Variants in OR51E2 observed in about 807,000 individuals in gnomAD.
OR51E2 encodes the protein olfactory receptor 51E2.
A neutral mutation model predicts 13.7 loss-of-function variants in OR51E2; 14 were observed. That is an observed-to-expected ratio of 1.02 (90% confidence interval 0.68 to 1.60). OR51E2 has a LOEUF of 1.60. Ranked by LOEUF, OR51E2 falls within the 40% of genes most tolerant of loss-of-function variation. The pLI, the probability that OR51E2 is intolerant of heterozygous loss-of-function variation, is 0.00. For missense variants in OR51E2, 483 were observed against 413.8 expected, an observed-to-expected ratio of 1.17 and a Z score of -1.45; for synonymous variants, 180 against 157.6, an observed-to-expected ratio of 1.14 and a Z score of -1.07.
chr11:4,693,770 A>C (rs531752472), intron 1 of OR51E2, among the ~76,000 whole-genome samples: 1 of 152,292 alleles, frequency 6.6e-6, no homozygotes, highest in South Asian at 2.1e-4. Flanking sequence ...GTGCACTTGT[A>C]ACACTTCTCT....
In OR51E2 at chr11:4,682,048, G is replaced by A. The variant is rs769497679; in HGVS notation, c.664C>T (p.Arg222Ter). ...FISLSYFLII[R>*]TVLQLPSKSE... ...TTGGAAGGCAGTTGCAGAACCGTTC[G>A]TATTATCAGAAAATAGGACAAGGAG... is the stretch of plus-strand genomic sequence containing the variant. Residue 222 changes from arginine to a stop codon, truncating the protein, a stop_gained, in exon 2 of 2, where the codon CGA (arginine) becomes TGA (stop). Transcript: ENST00000396950. LOFTEE classifies it high-confidence loss of function. 45 of 1,614,104 alleles carry A rather than the reference G, an allele frequency of 2.8e-5. No individual in the cohort carries two copies. The Admixed American group carries it at 3.2e-4, about 11-fold the overall frequency.
At chr11:4,696,149 C>T (rs908513221) in intron 1 of OR51E2, among the ~76,000 whole-genome samples, 10 of 152,128 alleles carry the variant, frequency 6.6e-5, no homozygotes, top group African/African-American at 2.4e-4. Context: ...CTCCTTGCTG[C>T]ATGTGGTGAA....
intron 1 of OR51E2, among the ~76,000 whole-genome samples, chr11:4,696,097 T>G (rs866591801): frequency 3.9e-5 from 6 of 152,094 alleles, no homozygotes; most frequent in Non-Finnish European, 5.9e-5. Context: ...CAATCAAACC[T>G]GTAATTTAGA....
At chr11:4,696,181 T>C (rs1040085000) in intron 1 of OR51E2, among the ~76,000 whole-genome samples, 9 of 152,168 alleles carry the variant, frequency 5.9e-5, no homozygotes, top group African/African-American at 2.2e-4. Context: ...TAAAATACTG[T>C]GGCTACCCCT....
chr11:4,692,653 AG>A (rs528646062), intron 1 of OR51E2, among the ~76,000 whole-genome samples: 9 of 152,290 alleles, frequency 5.9e-5, no homozygotes, highest in Admixed American at 4.6e-4. Flanking sequence ...AACAGAGATT[AG>A]GGTTGTGGCT....
rs747163781 is a variant in OR51E2 at position 4,682,099 on chromosome 11, C to A, written c.613G>T (p.Val205Phe). The A allele has an allele frequency of 3.1e-6, 5 of 1,614,070 alleles. No individual in the cohort carries two copies. Among genetic ancestry groups the A allele is most frequent in the Non-Finnish European group, 4.2e-6 (5 of 1,180,052 alleles). Reference sequence around the variant, plus strand: ...ATGAACATTACGTCCACGCCCATGACCAGCAGAATGGCAGTAAGACCATAT... The same window carrying A: ...ATGAACATTACGTCCACGCCCATGAACAGCAGAATGGCAGTAAGACCATAT... ...VVYGLTAILL[V>F]MGVDVMFISL... Residue 205 changes from valine to phenylalanine, a missense_variant, in exon 2 of 2, where the codon GTC (valine) becomes TTC (phenylalanine). Coordinates refer to ENST00000396950, the MANE Select transcript of OR51E2 (RefSeq NM_030774.4).
At chr11:4,691,309 G>T in intron 1 of OR51E2, 2 of 457,462 alleles carry the variant, frequency 4.4e-6, no homozygotes, top group Non-Finnish European at 4.4e-6. Flanking sequence ...GCATACCTAA[G>T]GGGATTAGAG....
chr11:4,682,822 C>CCCA, intron 1 of OR51E2, 61 bp from the exon 2 acceptor site: 1 of 1,225,040 alleles, frequency 8.2e-7, no homozygotes, highest in Non-Finnish European at 1.1e-6. Flanking sequence ...ACATCCCACC[C>CCCA]CTTTTGTCTT....
At chr11:4,691,307 A>G in intron 1 of OR51E2, 1 of 457,454 alleles carries the variant, frequency 2.2e-6, no homozygotes, top group Non-Finnish European at 4.4e-6. Context: ...TGGCATACCT[A>G]AGGGGATTAG....
intron 1 of OR51E2, among the ~76,000 whole-genome samples, chr11:4,687,688 G>A (rs903817327): frequency 6.6e-6 from 1 of 152,198 alleles, no homozygotes; most frequent in African/African-American, 2.4e-5. Context: ...AACAGACCCA[G>A]TGCCTGGCCC....
At position 4,681,421 on chromosome 11, in the gene OR51E2, T is replaced by C; in HGVS notation, c.*328A>G. 1 of 247,176 alleles carries C rather than the reference T, an allele frequency of 4.0e-6. No homozygotes were observed. The highest frequency in any genetic ancestry group is 7.7e-6 in the Non-Finnish European group (1 of 129,092). 15.3% of individuals were successfully genotyped at this position (247,176 alleles called of 1,614,324 possible). On this transcript the variant is annotated 3_prime_UTR_variant, in exon 2 of 2. Transcript: ENST00000396950. ...AAAGAAAGAAAAAAGAGAGAGAAAG[T>C]AGGGACAACACTAAATCATTAGTAA... is the stretch of plus-strand genomic sequence containing the variant.
chr11:4,687,787 T>C (rs1187440553), intron 1 of OR51E2, among the ~76,000 whole-genome samples: 1 of 152,026 alleles, frequency 6.6e-6, no homozygotes, highest in East Asian at 1.9e-4. Context: ...CAAGGTGCTG[T>C]AGGAGCACCT....
At position 4,682,036 on chromosome 11, in the gene OR51E2, G is replaced by T; in HGVS notation, c.676C>A (p.Gln226Lys). Residue 226 changes from glutamine (Q) to lysine (K), a missense_variant, in exon 2 of 2, where the codon CAA (glutamine) becomes AAA (lysine). Physicochemically the swap from Gln to Lys is moderately conservative, Grantham distance 53 (BLOSUM62 1). Coordinates refer to ENST00000396950, the MANE Select transcript of OR51E2 (RefSeq NM_030774.4). Reference protein sequence around the residue: ...SYFLIIRTVLQLPSKSERAKA... With the variant: ...SYFLIIRTVLKLPSKSERAKA... ...GCCCGCTCTGACTTGGAAGGCAGTT[G>T]CAGAACCGTTCGTATTATCAGAAAA... The T allele has an allele frequency of 6.2e-7, 1 of 1,614,250 alleles. No homozygotes were observed. The highest frequency in any genetic ancestry group is 8.5e-7 in the Non-Finnish European group (1 of 1,180,054).
chr11:4,680,723 A>G lies in OR51E2; in HGVS notation c.*1026T>C, dbSNP rs1451450411. On this transcript the variant is annotated 3_prime_UTR_variant, in exon 2 of 2. Coordinates refer to ENST00000396950, the MANE Select transcript of OR51E2 (RefSeq NM_030774.4). ...CCTGTGAAGCACTTATAATAGTGCCAGAACATTGTGAGCACACATGAGATG... is the reference window on the plus strand; with the variant it reads ...CCTGTGAAGCACTTATAATAGTGCCGGAACATTGTGAGCACACATGAGATG... The G allele has an allele frequency of 1.3e-5, 2 of 152,556 alleles. No individual in the cohort carries two copies. Among genetic ancestry groups the G allele is most frequent in the East Asian group, 1.9e-4 (1 of 5,202 alleles). 9.5% of individuals were successfully genotyped at this position (152,556 alleles called of 1,614,324 possible). A position where few individuals can be genotyped will look rare whatever the true frequency, so the allele number is the denominator to read the frequency against.
At chr11:4,694,249 G>A (rs1847624464) in intron 1 of OR51E2, among the ~76,000 whole-genome samples, 1 of 151,260 alleles carries the variant, frequency 6.6e-6, no homozygotes, top group African/African-American at 2.4e-5. Context: ...CAAAACAAAA[G>A]AAAACCATAG....
intron 1 of OR51E2, among the ~76,000 whole-genome samples, chr11:4,689,533 C>A (rs547835995): frequency 6.6e-6 from 1 of 152,068 alleles, no homozygotes; most frequent in Non-Finnish European, 1.5e-5. Flanking sequence ...CCTTTCTGGA[C>A]CTGATACCAA....
rs762251867 is a variant in OR51E2, at chr11:4,682,303, T to C, written c.409A>G (p.Asn137Asp). The C allele has an allele frequency of 3.6e-5, 58 of 1,614,118 alleles. No individual in the cohort carries two copies. Among genetic ancestry groups the C allele is most frequent in the Non-Finnish European group, 4.8e-5 (57 of 1,180,014 alleles). ...HPLRHAAVLN[N>D]TVTAQIGIVA... ...ATGCCAATCTGGGCTGTTACTGTAT[T>C]GTTGAGCACTGCAGCATGGCGCAGT... The change falls in exon 2 of 2, where the codon AAT becomes GAT. Residue 137 changes from asparagine to aspartate, a missense_variant. By Grantham distance (23) the Asn-to-Asp change is conservative. Coordinates refer to ENST00000396950, the MANE Select transcript of OR51E2 (RefSeq NM_030774.4).
chr11:4,684,095 T>C (rs1034253763), intron 1 of OR51E2, among the ~76,000 whole-genome samples: 3 of 152,212 alleles, frequency 2.0e-5, no homozygotes, highest in African/African-American at 7.2e-5. Flanking sequence ...ATGATAAAAT[T>C]AGTACAAAGA....
At position 4,681,850 on chromosome 11, in the gene OR51E2, G is replaced by T. The variant is rs555271255; in HGVS notation, c.862C>A (p.Pro288Thr). ...TTGGTTTTGGCACCATAGATGATGG[G>T]ATTGATGACAGGAGGCAGCAGCAGG... ...IYLLLPPVIN[P>T]IIYGAKTKQI... Residue 288 changes from proline to threonine, a missense_variant, in exon 2 of 2, where the codon CCC (proline) becomes ACC (threonine). By Grantham distance (38) the Pro-to-Thr change is conservative (BLOSUM62 -1). Transcript: ENST00000396950. The T allele has an allele frequency of 6.2e-7, 1 of 1,614,168 alleles. No individual in the cohort carries two copies. Among genetic ancestry groups the T allele is most frequent in the East Asian group, 2.2e-5 (1 of 44,868 alleles).
Sources: gnomAD v4.1 joint callset for allele counts (sites outside exome capture counted in the v4.1 genomes callset) on GRCh38, gnomAD v4.1.1 for gene constraint, MANE v1.5 for transcripts, NCBI Gene and HGNC (gene_info 2026-07-23, HGNC 2026-07-21) for gene names.